The following HECTD4 variants were observed in gnomAD, a reference collection of about 807,000 sequenced individuals.
The protein encoded by HECTD4 is probable E3 ubiquitin-protein ligase HECTD4.
In HECTD4, 114 loss-of-function variants were observed where a neutral mutation model predicts 471.5. That is an observed-to-expected ratio of 0.24 (90% CI 0.21 to 0.28). HECTD4 has a LOEUF of 0.28. Ranked by LOEUF, HECTD4 falls within the 10% of genes least tolerant of loss-of-function variation. The pLI is 1.00. For missense variants in HECTD4, 3,866 were observed against 5,651.5 expected (o/e 0.68, Z 10.13); for synonymous variants, 2,012 against 2,256.0 (o/e 0.89, Z 3.07).
At chr12:112,306,015 C>A (rs2035264960) in intron 7 of HECTD4, 49 bp downstream of exon 7, 1 of 1,544,148 alleles carries the variant, frequency 6.5e-7, no homozygotes, top group Non-Finnish European at 8.7e-7. Context: ...AAAAAGAAAG[C>A]AAACAGAAAT....
rs1442732256 is a variant in HECTD4, at chr12:112,171,152, G to C, written c.11897C>G (p.Thr3966Ser). The change falls in exon 68 of 76, where the codon ACC becomes AGC. Residue 3966 changes from threonine to serine, a missense_variant. By Grantham distance (58) the Thr-to-Ser change is moderately conservative. Coordinates refer to ENST00000682272, the MANE Select transcript of HECTD4 (RefSeq NM_001388303.1). ...CTTCAGCAGGGCGGCGATGCTGTGG[G>C]TATACATGGGTGTCTGGCGCAGCTC... ...LVELRQTPMY[T>S]HSIAALLKEA... is the part of the protein sequence containing the mutation. 6.2e-7 allele frequency: 1 copy of C among 1,613,582 alleles called. No homozygotes were observed. The highest frequency in any genetic ancestry group is 1.7e-5 in the Admixed American group (1 of 59,962).
chr12:112,303,405 C>A (rs1003074148), intron 7 of HECTD4, among the ~76,000 whole-genome samples: 5 of 152,166 alleles, frequency 3.3e-5, no homozygotes, highest in Admixed American at 3.3e-4. Context: ...AGAAAGGATA[C>A]TACACTCTCC....
chr12:112,320,496 G>A (rs1417904028), intron 1 of HECTD4, among the ~76,000 whole-genome samples: 1 of 151,942 alleles, frequency 6.6e-6, no homozygotes, highest in African/African-American at 2.4e-5. Flanking sequence ...TCAGGAGTTC[G>A]AGGCCAGCCT....
chr12:112,324,045 C>CCTTCTTTCTTT (rs2035677294), intron 1 of HECTD4, among the ~76,000 whole-genome samples: 1 of 13,922 alleles, frequency 7.2e-5, no homozygotes, highest in Non-Finnish European at 1.4e-4. Flanking sequence ...TTCCTTCCTT[C>CCTTCTTTCTTT]CTTTCTTTCT....
At chr12:112,346,231 T>C (rs1444947104) in intron 1 of HECTD4, among the ~76,000 whole-genome samples, 2 of 152,198 alleles carry the variant, frequency 1.3e-5, no homozygotes, top group East Asian at 1.9e-4. Flanking sequence ...GTGAACCACA[T>C]TACCTGTGTT....
chr12:112,170,528 G>A lies in HECTD4; in HGVS notation c.11933-76C>T, dbSNP rs182940716. 9,997 of 1,553,904 alleles carry A rather than the reference G, an allele frequency of 6.4e-3. 45 individuals are homozygous for A. The highest frequency in any genetic ancestry group is 7.3e-3 in the Non-Finnish European group (8,375 of 1,146,428). The stretch of plus-strand genomic sequence containing the variant: ...CCCAGTCCCCCCAAGACTCTCTTCC[G>A]GTCCCTGGGTGTGGCACTCTCAGGC... On this transcript the variant is annotated intron_variant, in intron 68 of 75. Transcript: ENST00000682272.
chr12:112,216,167 T>C (rs1215751327), intron 48 of HECTD4, 125 bp downstream of exon 48: 1 of 673,464 alleles, frequency 1.5e-6, no homozygotes, highest in African/African-American at 1.8e-5. Context: ...AAGGACGTGT[T>C]TGGTTTTTGC....
In HECTD4 at chr12:112,175,728, C is replaced by T; in HGVS notation, c.11594+8G>A. 1 of 1,611,042 alleles carries T rather than the reference C, an allele frequency of 6.2e-7. No individual in the cohort carries two copies. The highest frequency in any genetic ancestry group is 8.5e-7 in the Non-Finnish European group (1 of 1,178,616). On this transcript the variant is annotated splice_region_variant and intron_variant, in intron 66 of 75. Coordinates refer to ENST00000682272, the MANE Select transcript of HECTD4 (RefSeq NM_001388303.1). ...GGTGCCAACTGAGTCGAGGGGTAAC[C>T]CTCTTACCTCTCAAAGTGAAGATCG... is the stretch of plus-strand genomic sequence containing the variant.
rs775563476 is a variant in HECTD4 at position 112,270,265 on chromosome 12, C to G, written c.2137G>C (p.Asp713His). The G allele has an allele frequency of 1.9e-6, 3 of 1,613,948 alleles. No homozygotes were observed. In the Admixed American group the frequency reaches 5.0e-5, roughly 27 times the overall value. Residue 713 changes from aspartate (D) to histidine (H), a missense_variant, in exon 12 of 76, where the codon GAT (aspartate) becomes CAT (histidine). Physicochemically the swap from Asp to His is moderately conservative, Grantham distance 81. Around this residue, in one of 16 missense-constraint regions of HECTD4, gnomAD observed 525 missense variants for 672.6 expected, o/e 0.78. Coordinates refer to ENST00000682272, the MANE Select transcript of HECTD4 (RefSeq NM_001388303.1). ...DIMEKAMVNGDTCIIRCILVV... is the reference protein window; with the variant it reads ...DIMEKAMVNGHTCIIRCILVV... ...AGAATGCAGCGTATAATACAGGTAT[C>G]TCCATTAACCATGGCCTTCTCCATA...
At position 112,243,981 on chromosome 12, in the gene HECTD4, C is replaced by G. The variant is rs1371821343; in HGVS notation, c.4542G>C (p.Val1514=). ...CAGGCTGCCTGACAGCGTGAGATAT[C>G]ACTTTTGTTTCAGAAGCTGATTTAC... ...PACKSASETK[V]ISHAVRQPVF... is the part of the protein sequence containing the mutation. The change falls in exon 30 of 76, where the codon GTG becomes GTC. Residue 1514 remains valine (V), a synonymous_variant. Transcript: ENST00000682272. The surrounding 1 kb of genome is among the most constrained non-coding windows in gnomAD (Gnocchi z 6.6). 6.2e-7 allele frequency: 1 copy of G among 1,613,956 alleles called. No individual in the cohort carries two copies. The highest frequency in any genetic ancestry group is 2.2e-5 in the East Asian group (1 of 44,886).
chr12:112,361,175 A>G, intron 1 of HECTD4, among the ~76,000 whole-genome samples: 1 of 152,172 alleles, frequency 6.6e-6, no homozygotes, highest in East Asian at 1.9e-4. Flanking sequence ...TATAACAGGT[A>G]TTTTAACCAC....
chr12:112,203,979 G>A (rs1277909462), intron 53 of HECTD4, among the ~76,000 whole-genome samples: 1 of 152,280 alleles, frequency 6.6e-6, no homozygotes, highest in Admixed American at 6.5e-5. Flanking sequence ...ATAATAGAAC[G>A]TTGTAAAAGC....
At chr12:112,218,652 G>A (rs2033000786) in intron 45 of HECTD4, among the ~76,000 whole-genome samples, 1 of 152,046 alleles carries the variant, frequency 6.6e-6, no homozygotes, top group South Asian at 2.1e-4. Context: ...TTCATCAGTT[G>A]ATGTATATTT....
chr12:112,183,330 C>A (rs569604168), intron 61 of HECTD4, 64 bp from the exon 62 acceptor site: 6 of 1,228,850 alleles, frequency 4.9e-6, no homozygotes, highest in South Asian at 1.3e-5. Context: ...TGTGAGTGAA[C>A]TTCTCCCTCC....
At chr12:112,336,442 G>C (rs2035960100) in intron 1 of HECTD4, among the ~76,000 whole-genome samples, 1 of 151,780 alleles carries the variant, frequency 6.6e-6, no homozygotes, top group African/African-American at 2.4e-5. Flanking sequence ...AGAATGGCGT[G>C]AACCTGGGAG....
chr12:112,192,406 A>C (rs1405360848), intron 59 of HECTD4, among the ~76,000 whole-genome samples, 154 bp downstream of exon 59: 1 of 152,248 alleles, frequency 6.6e-6, no homozygotes, highest in Non-Finnish European at 1.5e-5. Context: ...CCTCTAAAAG[A>C]AGCAGCAGTT....
Position 112,193,293 on chromosome 12 carries a change from T to C in HECTD4, c.8956-102A>G. 2 of 1,462,692 alleles carry C rather than the reference T, an allele frequency of 1.4e-6. No homozygotes were observed. The highest frequency in any genetic ancestry group is 2.5e-5 in the South Asian group (2 of 79,712). The allele number at this position is 1,462,692 out of a possible 1,614,324, so 90.6% of individuals were successfully genotyped here. A position where few individuals can be genotyped will look rare whatever the true frequency, so the allele number is the denominator to read the frequency against. ...CCAGGAAATCAGCCAAACGACTAAA[T>C]AGCCCTCTGGAAGGAAGCAAGCTAC... On this transcript the variant is annotated intron_variant, in intron 57 of 75. Coordinates refer to ENST00000682272, the MANE Select transcript of HECTD4 (RefSeq NM_001388303.1). This position sits in a 1 kb window ranked among gnomAD's most constrained non-coding sequence, Gnocchi z 5.2.
At chr12:112,167,065 G>A (rs867080217) in intron 72 of HECTD4, 2 of 403,152 alleles carry the variant, frequency 5.0e-6, no homozygotes, top group Non-Finnish European at 8.9e-6. Context: ...CAGGCAATGA[G>A]CACCAATGTG....
At chr12:112,171,027 G>T in intron 68 of HECTD4, 90 bp downstream of exon 68, 1 of 1,157,682 alleles carries the variant, frequency 8.6e-7, no homozygotes, top group Non-Finnish European at 1.2e-6. Flanking sequence ...TGGCGGGGCT[G>T]CCCAAGGACG....
Sources: allele counts gnomAD v4.1 joint callset (sites outside exome capture counted in the v4.1 genomes callset), GRCh38; gene constraint gnomAD v4.1.1; regional missense constraint gnomAD v4.1.1; non-coding constraint Gnocchi (gnomAD v3.1); transcripts MANE v1.5; gene names NCBI Gene and HGNC (gene_info 2026-07-23, HGNC 2026-07-21).